Variants in TOGARAM2 observed in about 807,000 individuals in gnomAD.
The protein encoded by TOGARAM2 is TOG array regulator of axonemal microtubules 2.
Under a neutral mutation model 93.3 loss-of-function variants are expected in TOGARAM2, and 85 were observed. The observed-to-expected ratio is 0.91, with a 90% confidence interval of 0.76 to 1.09. The LOEUF is 1.09. TOGARAM2 is among the 50% of genes least tolerant of loss of function. TOGARAM2 has a pLI of 0.00. For synonymous variants in TOGARAM2, 593 were observed against 552.8 expected (o/e 1.07, Z -1.02); for missense variants, 1,277 against 1,334.5 (o/e 0.96, Z 0.67).
Position 28,957,991 on chromosome 2 carries a change from C to T in TOGARAM2, c.-147+1294C>T, listed in dbSNP as rs1671750432. Among the ~76,000 whole-genome samples, 15 of 152,228 alleles carry T rather than the reference C, an allele frequency of 9.9e-5. No individual in the cohort carries two copies. In the South Asian group the frequency reaches 3.1e-3, roughly 32 times the overall value. Reference sequence around the variant, plus strand: ...TGAGGTAGAATGAGTCATTAACTTTCACCAGTGAAGCCATTACAGTCATGA... The same window carrying T: ...TGAGGTAGAATGAGTCATTAACTTTTACCAGTGAAGCCATTACAGTCATGA... On this transcript the variant is annotated intron_variant, in intron 1 of 6. Transcript: ENST00000401723.
At chr2:29,009,517 G>A (rs1178979955) in intron 6 of TOGARAM2, among the ~76,000 whole-genome samples, 1 of 151,540 alleles carries the variant, frequency 6.6e-6, no homozygotes, top group African/African-American at 2.4e-5. Flanking sequence ...TCTGTGGGCT[G>A]AGGATGCAGA....
rs370220958 is a variant in TOGARAM2, at chr2:29,002,571, C to T, written c.463C>T (p.Pro155Ser). The change falls in exon 5 of 20, where the codon CCC becomes TCC. Residue 155 changes from proline (P) to serine (S), a missense_variant. By Grantham distance (74) the Pro-to-Ser change is moderately conservative. Coordinates refer to ENST00000379558, the MANE Select transcript of TOGARAM2 (RefSeq NM_199280.4). ...LDPGGGPQGVPLHSTIPRATS... is the reference protein window; with the variant it reads ...LDPGGGPQGVSLHSTIPRATS... ...TCCAGGGGGAGGCCCCCAAGGAGTTCCCCTGCACAGCACCATCCCCCGAGC... is the reference window on the plus strand; with the variant it reads ...TCCAGGGGGAGGCCCCCAAGGAGTTTCCCTGCACAGCACCATCCCCCGAGC... 1 of 1,613,960 alleles carries T rather than the reference C, an allele frequency of 6.2e-7. No homozygotes were observed. Among genetic ancestry groups the T allele is most frequent in the African/African-American group, 1.3e-5 (1 of 75,052 alleles).
At chr2:29,032,911 T>C in intron 14 of TOGARAM2, 23 bp from the exon 15 acceptor site, 1 of 1,600,306 alleles carries the variant, frequency 6.2e-7, no homozygotes, top group Middle Eastern at 1.7e-4. Context: ...TGTTTCTTTA[T>C]CTTGCTCTCT....
At chr2:29,013,709 T>A (rs182875127) in intron 7 of TOGARAM2, among the ~76,000 whole-genome samples, 1 of 152,346 alleles carries the variant, frequency 6.6e-6, no homozygotes, top group African/African-American at 2.4e-5. Flanking sequence ...TAGTTCTAGC[T>A]GCGATGGCAG....
chr2:28,971,888 A>T (rs1671950538), intron 1 of TOGARAM2, among the ~76,000 whole-genome samples: 1 of 152,208 alleles, frequency 6.6e-6, no homozygotes, highest in Admixed American at 6.5e-5. Context: ...GAAACAGATT[A>T]TAGCAGAGTT....
intron 18 of TOGARAM2, among the ~76,000 whole-genome samples, chr2:29,043,745 C>T (rs929666130): frequency 2.6e-5 from 4 of 152,204 alleles, no homozygotes; most frequent in African/African-American, 9.7e-5. Context: ...CTGCAGTCCA[C>T]AAGGAGAAGG....
At chr2:29,018,509 A>G (rs1558439310) in intron 10 of TOGARAM2, 1 of 151,690 alleles carries the variant, frequency 6.6e-6, no homozygotes, top group Non-Finnish European at 1.5e-5. Context: ...CATTCATGTG[A>G]GATTTCATTT....
At chr2:28,962,842 T>C (rs1057121100) in intron 1 of TOGARAM2, among the ~76,000 whole-genome samples, 2 of 132,226 alleles carry the variant, frequency 1.5e-5, no homozygotes, top group Non-Finnish European at 3.2e-5. Flanking sequence ...CCTCCCATCC[T>C]CCCTCCCTTC....
chr2:29,035,246 A>G (rs554759351), intron 16 of TOGARAM2, among the ~76,000 whole-genome samples: 1 of 152,272 alleles, frequency 6.6e-6, no homozygotes, highest in Admixed American at 6.5e-5. Context: ...ATCTTCTGAA[A>G]AGAGAAAAAG....
intron 4 of TOGARAM2, among the ~76,000 whole-genome samples, chr2:29,001,662 G>A (rs930319560): frequency 6.6e-6 from 1 of 152,038 alleles, no homozygotes; most frequent in South Asian, 2.1e-4. Flanking sequence ...CACCACGCCC[G>A]GCTAATTTTT....
intron 1 of TOGARAM2, among the ~76,000 whole-genome samples, chr2:28,957,127 A>T (rs2148209259): frequency 6.6e-6 from 1 of 152,256 alleles, no homozygotes. Flanking sequence ...ACAAAAAACG[A>T]AAAACAAATC....
At position 29,052,145 on chromosome 2, in the gene TOGARAM2, A is replaced by G. The variant is rs1667111671; in HGVS notation, c.*52A>G. 14 of 1,400,682 alleles carry G rather than the reference A, an allele frequency of 1.0e-5. No individual in the cohort carries two copies. Among genetic ancestry groups the G allele is most frequent in the African/African-American group, 1.4e-5 (1 of 69,030 alleles). The allele number at this position is 1,400,682 out of a possible 1,614,324, so 86.8% of individuals were successfully genotyped here. A position where few individuals can be genotyped will look rare whatever the true frequency, so the allele number is the denominator to read the frequency against. Reference sequence around the variant, plus strand: ...ATTTATCTTATTTTTTTGATGGACTATTCTCCTGGTTACTTTCCCCCTTAG... The same window carrying G: ...ATTTATCTTATTTTTTTGATGGACTGTTCTCCTGGTTACTTTCCCCCTTAG... On this transcript the variant is annotated 3_prime_UTR_variant, in exon 20 of 20. Transcript: ENST00000379558.
At chr2:29,031,637 T>C (rs1165759595) in intron 14 of TOGARAM2, among the ~76,000 whole-genome samples, 1 of 152,208 alleles carries the variant, frequency 6.6e-6, no homozygotes, top group Admixed American at 6.5e-5. Context: ...AAACTCTCAC[T>C]GTGGAAGGAA....
intron 1 of TOGARAM2, among the ~76,000 whole-genome samples, chr2:28,973,318 T>G (rs1324280778): frequency 6.6e-6 from 1 of 151,122 alleles, no homozygotes; most frequent in Non-Finnish European, 1.5e-5. Flanking sequence ...GCCTTTCTGT[T>G]TGAAGAACTT....
chr2:28,957,415 A>G (rs954442848), intron 1 of TOGARAM2, among the ~76,000 whole-genome samples: 1 of 152,158 alleles, frequency 6.6e-6, no homozygotes, highest in South Asian at 2.1e-4. Flanking sequence ...TCCTGACCTC[A>G]GGTGATCCGC....
intron 7 of TOGARAM2, among the ~76,000 whole-genome samples, chr2:29,014,132 T>A (rs1490655555): frequency 6.6e-6 from 1 of 152,194 alleles, no homozygotes; most frequent in East Asian, 1.9e-4. Flanking sequence ...TGGCCCTGTT[T>A]CCCGCCCAGC....
At position 29,026,911 on chromosome 2, in the gene TOGARAM2, C is replaced by T. The variant is rs1665415207; in HGVS notation, c.1912C>T (p.Gln638Ter). Reference sequence around the variant, plus strand: ...TGAGCACCTCTCAGCTGTGCTGGAGCAGATCGGCGCTGAGAAGCTTCTCTC... The same window carrying T: ...TGAGCACCTCTCAGCTGTGCTGGAGTAGATCGGCGCTGAGAAGCTTCTCTC... ...AAEHLSAVLEQIGAEKLLSGT... is the reference protein window; with the variant it reads ...AAEHLSAVLE The change falls in exon 14 of 20, where the codon CAG (glutamine) becomes TAG (stop). Residue 638 changes from glutamine to a stop codon, truncating the protein, a stop_gained. Transcript: ENST00000379558. LOFTEE classifies it high-confidence loss of function. The T allele has an allele frequency of 1.3e-6, 2 of 1,588,694 alleles. No homozygotes were observed. The highest frequency in any genetic ancestry group is 1.7e-6 in the Non-Finnish European group (2 of 1,167,580).
At chr2:28,988,433 C>T (rs181013296) in intron 1 of TOGARAM2, among the ~76,000 whole-genome samples, 83 of 152,190 alleles carry the variant, frequency 5.5e-4, no homozygotes, top group African/African-American at 1.8e-3. Flanking sequence ...CTCCAGGGTC[C>T]GAGGACTGGT....
intron 1 of TOGARAM2, among the ~76,000 whole-genome samples, chr2:28,960,858 C>G (rs990686073): frequency 1.3e-5 from 2 of 152,182 alleles, no homozygotes; most frequent in African/African-American, 2.4e-5. Context: ...GTCATTCTCA[C>G]TAATTTACGT....
Sources: allele counts gnomAD v4.1 joint callset (sites outside exome capture counted in the v4.1 genomes callset), GRCh38; gene constraint gnomAD v4.1.1; transcripts MANE v1.5; gene names NCBI Gene and HGNC (gene_info 2026-07-23, HGNC 2026-07-21).